DNAJB6: variants seen among roughly 807,000 people sequenced by gnomAD.
The protein encoded by DNAJB6 is dnaJ homolog subfamily B member 6.
Under a neutral mutation model 42.7 loss-of-function variants are expected in DNAJB6, and 16 were observed. That is an observed-to-expected ratio of 0.37 (90% confidence interval 0.25 to 0.57). DNAJB6 has a LOEUF of 0.57. DNAJB6 is among the 20% of genes least tolerant of loss of function. DNAJB6 has a pLI of 0.74. For missense variants in DNAJB6, 347 were observed against 416.8 expected (o/e 0.83, Z 1.46); for synonymous variants, 170 against 163.5 (o/e 1.04, Z -0.30).
At chr7:157,338,500 A>G (rs1056751457) in intron 1 of DNAJB6, among the ~76,000 whole-genome samples, 7 of 151,946 alleles carry the variant, frequency 4.6e-5, no homozygotes, top group Non-Finnish European at 8.8e-5. Context: ...TGTCCGACTA[A>G]TTTTTGTATT....
intron 1 of DNAJB6, among the ~76,000 whole-genome samples, chr7:157,354,061 T>G (rs1373376409): frequency 1.3e-5 from 2 of 152,270 alleles, no homozygotes; most frequent in Non-Finnish European, 2.9e-5. Flanking sequence ...TGAATTGACC[T>G]GTACTTTATA....
intron 8 of DNAJB6, among the ~76,000 whole-genome samples, chr7:157,409,034 C>T (rs1003026971): frequency 6.6e-6 from 1 of 152,366 alleles, no homozygotes; most frequent in East Asian, 1.9e-4. Context: ...CTCACATCCA[C>T]GCAGTGATTG....
At chr7:157,359,850 C>T (rs1200838699) in intron 2 of DNAJB6, among the ~76,000 whole-genome samples, 1 of 152,106 alleles carries the variant, frequency 6.6e-6, no homozygotes, top group East Asian at 1.9e-4. Flanking sequence ...GCTGACGTTG[C>T]CTGAAGGTTA....
chr7:157,346,891 T>C (rs1798716530), intron 1 of DNAJB6, among the ~76,000 whole-genome samples: 1 of 152,220 alleles, frequency 6.6e-6, no homozygotes, highest in African/African-American at 2.4e-5. Flanking sequence ...AGTCTTGCTC[T>C]GTCGCCCAGG....
In DNAJB6 at chr7:157,365,434, C is replaced by T. The variant is rs1227390856; in HGVS notation, c.176-1068C>T. On this transcript the variant is annotated intron_variant, in intron 3 of 9. Transcript: ENST00000262177. Reference sequence around the variant, plus strand: ...GTGGTCCACTTCGAGGGTGAATGAGCCTGTAGGGTGTTAGGTTGGCGCCTT... The same window carrying T: ...GTGGTCCACTTCGAGGGTGAATGAGTCTGTAGGGTGTTAGGTTGGCGCCTT... Among the ~76,000 whole-genome samples the T allele has an allele frequency of 2.6e-5, 4 of 152,352 alleles. No homozygotes were observed. The East Asian group carries it at 7.7e-4, about 29-fold the overall frequency.
chr7:157,374,117 C>T (rs575954935), intron 5 of DNAJB6, among the ~76,000 whole-genome samples: 1 of 151,118 alleles, frequency 6.6e-6, no homozygotes, highest in Non-Finnish European at 1.5e-5. Context: ...TTCACATGGT[C>T]GTGAAGCAGT....
At chr7:157,369,536 A>G (rs1037006361) in intron 5 of DNAJB6, 3 of 375,750 alleles carry the variant, frequency 8.0e-6, no homozygotes, top group South Asian at 3.9e-5. Context: ...CCTGCTTAAC[A>G]TTATGATTAA....
intron 8 of DNAJB6, among the ~76,000 whole-genome samples, chr7:157,397,432 C>A (rs890618324): frequency 1.3e-5 from 2 of 152,224 alleles, no homozygotes; most frequent in African/African-American, 2.4e-5. Context: ...TCAGCTCTGA[C>A]ATGAGTGGGG....
chr7:157,344,185 A>G (rs1265438996), intron 1 of DNAJB6, among the ~76,000 whole-genome samples: 1 of 152,154 alleles, frequency 6.6e-6, no homozygotes, highest in African/African-American at 2.4e-5. Context: ...CTAAAACAAT[A>G]CAAAAATCAG....
intron 8 of DNAJB6, among the ~76,000 whole-genome samples, chr7:157,404,511 CTTTTCTT>C (rs1453321830): frequency 0.022 from 1,267 of 58,564 alleles, 35 homozygotes; most frequent in African/African-American, 0.078. Flanking sequence ...TGTCTTTTTT[CTTTTCTT>C]TTTTTTTTTT....
chr7:157,404,542 G>A (rs200928872), intron 8 of DNAJB6, among the ~76,000 whole-genome samples: 46 of 127,588 alleles, frequency 3.6e-4, no homozygotes, highest in East Asian at 1.4e-3. Flanking sequence ...AAGGAGTCTC[G>A]CTCTGTTGCC....
At chr7:157,388,084 G>A (rs1312184942) in intron 8 of DNAJB6, among the ~76,000 whole-genome samples, 1 of 152,184 alleles carries the variant, frequency 6.6e-6, no homozygotes, top group Admixed American at 6.5e-5. Context: ...GACTTCAAGT[G>A]ATCCATCCAC....
rs140536940 is a variant in DNAJB6 at position 157,340,283 on chromosome 7, G to C, written c.-27+3139G>C. Among the ~76,000 whole-genome samples, 643 of 152,268 alleles carry C rather than the reference G, an allele frequency of 4.2e-3. 5 individuals are homozygous for C. Among genetic ancestry groups the C allele is most frequent in the African/African-American group, 0.015 (613 of 41,542 alleles). ...CAAAATGTGGTTTGGTTAAATTTGT[G>C]CAGGACCCCACCTGGTGGTGAGAGG... On this transcript the variant is annotated intron_variant, in intron 1 of 9. Transcript: ENST00000262177.
intron 5 of DNAJB6, chr7:157,381,171 T>C (rs1800745871): frequency 1.3e-5 from 2 of 152,202 alleles, no homozygotes; most frequent in Admixed American, 1.3e-4. Flanking sequence ...CAGTGCTTGC[T>C]GTTGTATCCT....
At chr7:157,361,597 G>A (rs956207715) in intron 2 of DNAJB6, among the ~76,000 whole-genome samples, 1 of 152,226 alleles carries the variant, frequency 6.6e-6, no homozygotes, top group Non-Finnish European at 1.5e-5. Context: ...CAGCTTTACA[G>A]TAATAACTTG....
intron 8 of DNAJB6, among the ~76,000 whole-genome samples, chr7:157,396,113 A>G (rs1801573557): frequency 6.6e-6 from 1 of 150,736 alleles, no homozygotes; most frequent in African/African-American, 2.4e-5. Context: ...ACGCCCAGCT[A>G]ATATTTTGCA....
intron 8 of DNAJB6, among the ~76,000 whole-genome samples, chr7:157,401,198 A>G (rs754853339): frequency 2.0e-5 from 3 of 152,054 alleles, no homozygotes; most frequent in Non-Finnish European, 4.4e-5. Context: ...AGTCGTGTAC[A>G]TGATTTATAT....
At chr7:157,367,773 C>T (rs992371351) in intron 5 of DNAJB6, among the ~76,000 whole-genome samples, 2 of 150,992 alleles carry the variant, frequency 1.3e-5, no homozygotes, top group Admixed American at 6.6e-5. Context: ...GCAGGAGAAT[C>T]ACTTGAACCC....
intron 9 of DNAJB6, chr7:157,415,280 G>A (rs1255948597): frequency 3.3e-5 from 5 of 152,274 alleles, no homozygotes; most frequent in African/African-American, 7.2e-5. Context: ...TTTCTGGCAC[G>A]TTGGATCAGA....
Sources: gnomAD v4.1 joint callset for allele counts (sites outside exome capture counted in the v4.1 genomes callset) on GRCh38, gnomAD v4.1.1 for gene constraint, MANE v1.5 for transcripts, NCBI Gene and HGNC (gene_info 2026-07-23, HGNC 2026-07-21) for gene names.